The following RPRD1A variants were observed in gnomAD, a reference collection of about 807,000 sequenced individuals.
The protein encoded by RPRD1A is regulation of nuclear pre-mRNA domain containing 1A, also known as regulation of nuclear pre-mRNA domain-containing protein 1A.
RPRD1A carries 9 observed loss-of-function variants against 37.8 expected under a neutral mutation model. The observed-to-expected ratio is 0.24, with a 90% CI of 0.14 to 0.42. RPRD1A has a LOEUF of 0.42. Ranked by LOEUF, RPRD1A falls within the 10% of genes least tolerant of loss-of-function variation. The pLI is 1.00. For synonymous variants in RPRD1A, 138 were observed against 139.7 expected, an observed-to-expected ratio of 0.99 and a Z score of 0.08; for missense variants, 255 against 371.0, an observed-to-expected ratio of 0.69 and a Z score of 2.57.
intron 6 of RPRD1A, among the ~76,000 whole-genome samples, chr18:36,019,002 G>A (rs1699812980): frequency 6.6e-6 from 1 of 151,442 alleles, no homozygotes; most frequent in South Asian, 2.1e-4. Context: ...GAACATGCTT[G>A]ATATACCTGA....
chr18:36,061,753 T>C (rs2088915393), intron 1 of RPRD1A, among the ~76,000 whole-genome samples: 1 of 152,214 alleles, frequency 6.6e-6, no homozygotes, highest in Non-Finnish European at 1.5e-5. Flanking sequence ...TCTAATACAA[T>C]ACTTGTACCT....
intron 4 of RPRD1A, among the ~76,000 whole-genome samples, chr18:36,028,871 G>C (rs1362567461): frequency 6.6e-6 from 1 of 152,176 alleles, no homozygotes; most frequent in Non-Finnish European, 1.5e-5. Flanking sequence ...AAGTACTAGA[G>C]GAGAGGCAGA....
At chr18:36,057,526 C>T (rs771989718) in intron 1 of RPRD1A, among the ~76,000 whole-genome samples, 81 of 152,222 alleles carry the variant, frequency 5.3e-4, no homozygotes, top group Non-Finnish European at 8.5e-4. Context: ...GTGGGAGGAT[C>T]GCTTAAGCCC....
At chr18:36,015,951 T>G (rs930558740) in intron 6 of RPRD1A, among the ~76,000 whole-genome samples, 2 of 152,186 alleles carry the variant, frequency 1.3e-5, no homozygotes. Flanking sequence ...ATATGGCAAA[T>G]TTTATGTGTA....
intron 1 of RPRD1A, among the ~76,000 whole-genome samples, chr18:36,042,312 A>C (rs1426272489): frequency 6.6e-6 from 1 of 152,216 alleles, no homozygotes; most frequent in Non-Finnish European, 1.5e-5. Flanking sequence ...GTAGTGCTTC[A>C]CAACTAAACT....
chr18:36,012,152 C>G (rs148099462), intron 6 of RPRD1A, among the ~76,000 whole-genome samples: 130 of 152,284 alleles, frequency 8.5e-4, no homozygotes, highest in African/African-American at 3.0e-3. Context: ...TCCTGTAAGA[C>G]TATAATGAAG....
At chr18:36,020,249 G>C (rs894897894) in intron 6 of RPRD1A, among the ~76,000 whole-genome samples, 2 of 152,126 alleles carry the variant, frequency 1.3e-5, no homozygotes, top group Non-Finnish European at 2.9e-5. Flanking sequence ...CACGAATCTG[G>C]TAAAACCCTT....
At chr18:36,043,388 T>A (rs1912735668) in intron 1 of RPRD1A, among the ~76,000 whole-genome samples, 1 of 152,174 alleles carries the variant, frequency 6.6e-6, no homozygotes, top group Non-Finnish European at 1.5e-5. Flanking sequence ...TATCAATGCT[T>A]GGTTAAGGAG....
At chr18:36,006,018 C>G (rs1374873431) in intron 6 of RPRD1A, among the ~76,000 whole-genome samples, 1 of 152,068 alleles carries the variant, frequency 6.6e-6, no homozygotes, top group Admixed American at 6.6e-5. Flanking sequence ...CCTCACTGTT[C>G]TCATTTATAA....
chr18:36,051,381 G>T, intron 1 of RPRD1A, among the ~76,000 whole-genome samples: 1 of 152,162 alleles, frequency 6.6e-6, no homozygotes, highest in East Asian at 1.9e-4. Context: ...GTATGAAAAG[G>T]GTGGAACAAT....
intron 1 of RPRD1A, among the ~76,000 whole-genome samples, chr18:36,042,713 A>AAC (rs1912670532): frequency 1.3e-5 from 2 of 152,236 alleles, no homozygotes; most frequent in South Asian, 4.1e-4. Context: ...CACAAATGTT[A>AAC]AAGAATTAAA....
chr18:36,025,418 C>G (rs1369400555), intron 6 of RPRD1A: 2 of 323,906 alleles, frequency 6.2e-6, no homozygotes, highest in Non-Finnish European at 1.2e-5. Context: ...CTGGAAGGCA[C>G]TGGGGGAAAA....
At chr18:36,008,176 G>A (rs2144188583) in intron 6 of RPRD1A, among the ~76,000 whole-genome samples, 1 of 152,138 alleles carries the variant, frequency 6.6e-6, no homozygotes, top group East Asian at 1.9e-4. Flanking sequence ...GCTGGGAGAG[G>A]CTACATTTTT....
chr18:36,040,841 ATT>A (rs1347119461), intron 1 of RPRD1A: 8 of 1,524,244 alleles, frequency 5.2e-6, no homozygotes, highest in African/African-American at 1.4e-5. Context: ...TCCAATTGGA[ATT>A]TCTCATTTGT....
In RPRD1A at chr18:36,034,198, G is replaced by C. The variant is rs150302888; in HGVS notation, c.152-361C>G. Among the ~76,000 whole-genome samples, 1,254 of 152,092 alleles carry C rather than the reference G, an allele frequency of 8.2e-3. 22 individuals carry two copies. The highest frequency in any genetic ancestry group is 7.4e-3 in the Non-Finnish European group (504 of 67,980). Reference sequence around the variant, plus strand: ...ATTGTTTTAATAGACATGTTAATTCGAAATCATTATTAAGCTATTGTGAAA... The same window carrying C: ...ATTGTTTTAATAGACATGTTAATTCCAAATCATTATTAAGCTATTGTGAAA... On this transcript the variant is annotated intron_variant, in intron 1 of 6. Transcript: ENST00000399022.
At chr18:36,008,696 T>C (rs1030105099) in intron 6 of RPRD1A, among the ~76,000 whole-genome samples, 1 of 151,076 alleles carries the variant, frequency 6.6e-6, no homozygotes, top group South Asian at 2.1e-4. Flanking sequence ...TGAAATTTTG[T>C]ATGACATTTT....
chr18:36,041,919 T>C (rs1912611083), intron 1 of RPRD1A, among the ~76,000 whole-genome samples: 1 of 152,242 alleles, frequency 6.6e-6, no homozygotes, highest in Admixed American at 6.5e-5. Context: ...CCTGTACTAC[T>C]GCCAGGAGGT....
chr18:36,043,033 A>C (rs1912693645), intron 1 of RPRD1A, among the ~76,000 whole-genome samples: 1 of 149,638 alleles, frequency 6.7e-6, no homozygotes, highest in Non-Finnish European at 1.5e-5. Context: ...AACTGAATAA[A>C]CCATGGCACA....
At chr18:36,009,117 T>C (rs994694317) in intron 6 of RPRD1A, among the ~76,000 whole-genome samples, 1 of 152,176 alleles carries the variant, frequency 6.6e-6, no homozygotes, top group Non-Finnish European at 1.5e-5. Context: ...TTCTTTCTTA[T>C]GTATTGTCTT....
Sources: allele counts gnomAD v4.1 joint callset (sites outside exome capture counted in the v4.1 genomes callset), GRCh38; gene constraint gnomAD v4.1.1; transcripts MANE v1.5; gene names NCBI Gene and HGNC (gene_info 2026-07-23, HGNC 2026-07-21).